The following ANXA7 variants were observed in gnomAD, a reference collection of about 807,000 sequenced individuals.
ANXA7 encodes the protein annexin A7.
A neutral mutation model predicts 64.9 loss-of-function variants in ANXA7; 55 were observed. The observed-to-expected ratio is 0.85, with a 90% CI of 0.68 to 1.06. ANXA7 has a LOEUF of 1.06. ANXA7 is among the 50% of genes least tolerant of loss of function. The pLI, the probability that ANXA7 is intolerant of heterozygous loss-of-function variation, is 0.00. For synonymous variants in ANXA7, 200 were observed against 192.4 expected (o/e 1.04, Z -0.33); for missense variants, 548 against 582.1 (o/e 0.94, Z 0.60).
intron 5 of ANXA7, among the ~76,000 whole-genome samples, chr10:73,390,717 TATAA>T (rs1362224982): frequency 7.9e-5 from 9 of 113,450 alleles, no homozygotes; most frequent in African/African-American, 2.9e-4. Flanking sequence ...TATATATATA[TATAA>T]AAATATATAT....
intron 7 of ANXA7, among the ~76,000 whole-genome samples, chr10:73,384,642 A>C (rs552220601): frequency 5.9e-5 from 9 of 152,066 alleles, no homozygotes; most frequent in Middle Eastern, 6.8e-3. Context: ...CCCAAGTGAT[A>C]CACCCGCCTT....
At chr10:73,404,499 G>C (rs559594436) in intron 1 of ANXA7, among the ~76,000 whole-genome samples, 2 of 151,990 alleles carry the variant, frequency 1.3e-5, no homozygotes, top group African/African-American at 4.8e-5. Context: ...CAAACAAAAC[G>C]ATACGATGTC....
chr10:73,376,055 G>A lies in ANXA7; in HGVS notation c.*40C>T. 1 of 1,485,122 alleles carries A rather than the reference G, an allele frequency of 6.7e-7. No homozygotes were observed. 92.0% of individuals were successfully genotyped at this position (1,485,122 alleles called of 1,614,324 possible). A position where few individuals can be genotyped will look rare whatever the true frequency, so the allele number is the denominator to read the frequency against. On this transcript the variant is annotated 3_prime_UTR_variant, in exon 13 of 13. Coordinates refer to ENST00000372921, the MANE Select transcript of ANXA7 (RefSeq NM_001156.5). ...GTCATTGCTCTGAAGGATAAGCTAT[G>A]AATAGAAATTTTTTTTCATTAAAAA...
intron 1 of ANXA7, among the ~76,000 whole-genome samples, chr10:73,413,468 G>A (rs1259844050): frequency 6.6e-6 from 1 of 152,186 alleles, no homozygotes; most frequent in Non-Finnish European, 1.5e-5. Flanking sequence ...ATTTGCTGCT[G>A]GTCGGGGAAC....
At chr10:73,402,511 T>C (rs755612871) in intron 1 of ANXA7, among the ~76,000 whole-genome samples, 37 of 152,202 alleles carry the variant, frequency 2.4e-4, no homozygotes, top group Non-Finnish European at 4.1e-4. Flanking sequence ...TTAACGACAT[T>C]TTGAAAATAA....
At chr10:73,384,037 C>A (rs1253532591) in intron 7 of ANXA7, among the ~76,000 whole-genome samples, 1 of 151,654 alleles carries the variant, frequency 6.6e-6, no homozygotes, top group African/African-American at 2.4e-5. Flanking sequence ...AAGAGAACAG[C>A]GTGAACCTGG....
chr10:73,405,294 C>T (rs1392792551), intron 1 of ANXA7, among the ~76,000 whole-genome samples: 1 of 149,666 alleles, frequency 6.7e-6, no homozygotes, highest in Admixed American at 6.7e-5. Flanking sequence ...ATACACCCAG[C>T]ACTTTGGGAG....
rs1645821591 is a variant in ANXA7, at chr10:73,378,897, G to A, written c.1278+14C>T. ...TCAAGTAAGACCCGACAAAAAGAGA[G>A]AGGCCTGCCTCACCTCACTTCGAGT... is the stretch of plus-strand genomic sequence containing the variant. On this transcript the variant is annotated intron_variant, in intron 12 of 12. Transcript: ENST00000372921. The A allele has an allele frequency of 3.1e-6, 5 of 1,593,530 alleles. No homozygotes were observed. Among genetic ancestry groups the A allele is most frequent in the Non-Finnish European group, 3.4e-6 (4 of 1,162,216 alleles).
chr10:73,396,601 A>AG lies in ANXA7; in HGVS notation c.371-19_371-18insC. 6.6e-7 allele frequency: 1 copy of AG among 1,525,242 alleles called. No individual in the cohort carries two copies. Among genetic ancestry groups the AG allele is most frequent in the Non-Finnish European group, 9.0e-7 (1 of 1,108,548 alleles). 94.5% of individuals were successfully genotyped at this position (1,525,242 alleles called of 1,614,324 possible). A position where few individuals can be genotyped will look rare whatever the true frequency, so the allele number is the denominator to read the frequency against. On this transcript the variant is annotated intron_variant, in intron 4 of 12. Coordinates refer to ENST00000372921, the MANE Select transcript of ANXA7 (RefSeq NM_001156.5). ...AAAGCCACCTATAATGTTAAAAAAA[A>AG]TAATAATAATACGGCAACAGGTCTT...
chr10:73,400,840 T>G lies in ANXA7; in HGVS notation c.17A>C (p.Tyr6Ser), dbSNP rs1131226. The G allele has an allele frequency of 6.2e-7, 1 of 1,604,100 alleles. No homozygotes were observed. The highest frequency in any genetic ancestry group is 8.5e-7 in the Non-Finnish European group (1 of 1,174,626). The change falls in exon 2 of 13, where the codon TAT (tyrosine) becomes TCT (serine). Residue 6 changes from tyrosine to serine, a missense_variant. Transcript: ENST00000372921. Reference protein sequence around the residue: MSYPGYPPTGYPPFPG... With the variant: MSYPGSPPTGYPPFPG... ...GAAAGGTGGGTAGCCTGTTGGGGGATAGCCTGGGTATGACATTCTGTAACA... is the reference window on the plus strand; with the variant it reads ...GAAAGGTGGGTAGCCTGTTGGGGGAGAGCCTGGGTATGACATTCTGTAACA...
intron 7 of ANXA7, among the ~76,000 whole-genome samples, chr10:73,383,998 G>A (rs930098417): frequency 2.0e-5 from 3 of 151,948 alleles, no homozygotes; most frequent in African/African-American, 7.3e-5. Flanking sequence ...GCAGGCACCT[G>A]TAGTCCCAGG....
At chr10:73,405,140 G>C (rs893587778) in intron 1 of ANXA7, among the ~76,000 whole-genome samples, 1 of 151,940 alleles carries the variant, frequency 6.6e-6, no homozygotes, top group Non-Finnish European at 1.5e-5. Flanking sequence ...CTACTTGGAA[G>C]GCTGAGGCAG....
chr10:73,412,479 G>A (rs2132709419), intron 1 of ANXA7, among the ~76,000 whole-genome samples: 1 of 151,288 alleles, frequency 6.6e-6, no homozygotes, highest in South Asian at 2.1e-4. Flanking sequence ...CAAGTGAATA[G>A]TAAGTCTAGA....
At chr10:73,395,710 C>A (rs548464933) in intron 5 of ANXA7, among the ~76,000 whole-genome samples, 1 of 151,408 alleles carries the variant, frequency 6.6e-6, no homozygotes, top group East Asian at 1.9e-4. Flanking sequence ...CGCTTGAACC[C>A]GGAAGGTGGA....
At chr10:73,402,927 T>A (rs2055692578) in intron 1 of ANXA7, among the ~76,000 whole-genome samples, 1 of 152,018 alleles carries the variant, frequency 6.6e-6, no homozygotes, top group African/African-American at 2.4e-5. Flanking sequence ...TGGGTTCAAG[T>A]GATTCTCCTG....
intron 1 of ANXA7, among the ~76,000 whole-genome samples, chr10:73,402,238 G>A (rs2055677510): frequency 1.3e-5 from 2 of 152,104 alleles, no homozygotes; most frequent in South Asian, 4.1e-4. Context: ...ACCCAGGCTG[G>A]AGTATAGTGG....
chr10:73,377,764 G>A lies in ANXA7; in HGVS notation c.1278+1147C>T, dbSNP rs562000737. On this transcript the variant is annotated intron_variant, in intron 12 of 12. Transcript: ENST00000372921. ...GTAGCTGGGACTACCATGCCGGGGG[G>A]TGGGTGTGGGTGTGTGTGTGTGTGT... Among the ~76,000 whole-genome samples, 328 of 145,396 alleles carry A rather than the reference G, an allele frequency of 2.3e-3. 1 individual carries two copies. Among genetic ancestry groups the A allele is most frequent in the African/African-American group, 8.5e-3 (311 of 36,644 alleles).
At chr10:73,392,912 G>T in intron 5 of ANXA7, among the ~76,000 whole-genome samples, 2 of 152,176 alleles carry the variant, frequency 1.3e-5, no homozygotes, top group Non-Finnish European at 2.9e-5. Flanking sequence ...AAGTCAAATT[G>T]TTCCTGTTTG....
At chr10:73,377,930 T>TGTGTGTGCGTGC (rs542289005) in intron 12 of ANXA7, among the ~76,000 whole-genome samples, 2 of 142,584 alleles carry the variant, frequency 1.4e-5, no homozygotes, top group African/African-American at 5.6e-5. Context: ...TGTGTGTGTG[T>TGTGTGTGCGTGC]GCGCGCGCGT....
Sources: allele counts gnomAD v4.1 joint callset (sites outside exome capture counted in the v4.1 genomes callset), GRCh38; gene constraint gnomAD v4.1.1; transcripts MANE v1.5; gene names NCBI Gene and HGNC (gene_info 2026-07-23, HGNC 2026-07-21).